The following COG5 variants were observed in gnomAD, a reference collection of about 807,000 sequenced individuals.
COG5 encodes component of oligomeric golgi complex 5.
COG5 carries 86 observed loss-of-function variants against 110.4 expected under a neutral mutation model. The observed-to-expected ratio is 0.78, with a 90% CI of 0.65 to 0.93. COG5 has a LOEUF of 0.93. Ranked by LOEUF, COG5 falls within the 40% of genes least tolerant of loss-of-function variation. COG5 has a pLI of 0.00. For synonymous variants in COG5, 360 were observed against 334.6 expected, an observed-to-expected ratio of 1.08 and a Z score of -0.83; for missense variants, 1,077 against 987.0, an observed-to-expected ratio of 1.09 and a Z score of -1.22.
intron 11 of COG5, among the ~76,000 whole-genome samples, chr7:107,312,874 T>C (rs747900846): frequency 1.4e-5 from 2 of 141,928 alleles, no homozygotes; most frequent in African/African-American, 2.5e-5. Context: ...ACAAAGCTTT[T>C]AGGGGTTCAC....
chr7:107,378,952 C>T (rs567073065), intron 7 of COG5, among the ~76,000 whole-genome samples: 2 of 151,778 alleles, frequency 1.3e-5, no homozygotes, highest in Non-Finnish European at 2.9e-5. Context: ...AAGAGGAGCA[C>T]CCAAGTCACA....
intron 10 of COG5, among the ~76,000 whole-genome samples, chr7:107,325,873 A>T (rs1190039814): frequency 3.3e-5 from 5 of 152,156 alleles, no homozygotes; most frequent in African/African-American, 1.2e-4. Context: ...TTTACTCAAG[A>T]ACTGTTAATC....
intron 10 of COG5, among the ~76,000 whole-genome samples, chr7:107,349,282 A>C (rs1811915024): frequency 6.6e-6 from 1 of 152,178 alleles, no homozygotes; most frequent in Non-Finnish European, 1.5e-5. Flanking sequence ...TCTAAACTGG[A>C]ATCCTTTTAT....
intron 14 of COG5, chr7:107,258,688 C>A (rs1803080597): frequency 2.8e-6 from 1 of 353,436 alleles, no homozygotes; most frequent in Non-Finnish European, 5.2e-6. Context: ...CAGGTGTGAC[C>A]CAAATGCCCC....
At chr7:107,332,904 CA>C (rs895111020) in intron 10 of COG5, among the ~76,000 whole-genome samples, 2 of 152,004 alleles carry the variant, frequency 1.3e-5, no homozygotes, top group African/African-American at 4.8e-5. Flanking sequence ...GATGTGGAAT[CA>C]AAAAACAAAA....
intron 10 of COG5, among the ~76,000 whole-genome samples, chr7:107,353,695 A>C (rs1458340041): frequency 1.3e-5 from 2 of 152,168 alleles, no homozygotes; most frequent in Non-Finnish European, 2.9e-5. Context: ...AAATAATAAT[A>C]AACTAAAATG....
At chr7:107,391,044 C>T (rs1050781810) in intron 7 of COG5, among the ~76,000 whole-genome samples, 8 of 152,058 alleles carry the variant, frequency 5.3e-5, no homozygotes, top group Admixed American at 5.2e-4. Context: ...CTCATGTGGT[C>T]CTAAGACTAA....
chr7:107,340,597 A>T (rs1368547800), intron 10 of COG5, among the ~76,000 whole-genome samples: 1 of 152,182 alleles, frequency 6.6e-6, no homozygotes, highest in Admixed American at 6.5e-5. Flanking sequence ...ACCACCAGAC[A>T]ACATTGCTGA....
chr7:107,440,813 A>G (rs1444804032), intron 6 of COG5, among the ~76,000 whole-genome samples: 1 of 152,146 alleles, frequency 6.6e-6, no homozygotes, highest in Non-Finnish European at 1.5e-5. Flanking sequence ...AGGGAAGTGA[A>G]GTTTTGTGCC....
At chr7:107,242,179 C>T (rs981642876) in intron 17 of COG5, among the ~76,000 whole-genome samples, 1 of 152,186 alleles carries the variant, frequency 6.6e-6, no homozygotes, top group East Asian at 1.9e-4. Context: ...TGGAGAGGAA[C>T]AGACCCCTTC....
chr7:107,527,642 T>C (rs1410920087), intron 5 of COG5, among the ~76,000 whole-genome samples: 1 of 152,168 alleles, frequency 6.6e-6, no homozygotes. Flanking sequence ...ATCGCAAGTC[T>C]TAAAAAGCAT....
intron 11 of COG5, among the ~76,000 whole-genome samples, chr7:107,312,386 T>A (rs1235831618): frequency 6.6e-6 from 1 of 152,184 alleles, no homozygotes; most frequent in Non-Finnish European, 1.5e-5. Flanking sequence ...GAGACTCAGA[T>A]AAGCTAGTAG....
intron 6 of COG5, among the ~76,000 whole-genome samples, chr7:107,521,327 CAA>C (rs1372665820): frequency 1.3e-5 from 2 of 152,086 alleles, no homozygotes; most frequent in African/African-American, 4.8e-5. Flanking sequence ...TTCTGCACAG[CAA>C]AAGAAACTAT....
intron 5 of COG5, among the ~76,000 whole-genome samples, chr7:107,546,855 T>C (rs915574162): frequency 3.9e-5 from 6 of 152,098 alleles, no homozygotes; most frequent in Non-Finnish European, 5.9e-5. Context: ...AACAGATCAA[T>C]AGTGAGTACA....
chr7:107,303,606 T>C lies in COG5; in HGVS notation c.1109-5260A>G, dbSNP rs564175166. On this transcript the variant is annotated intron_variant, in intron 11 of 21. Coordinates refer to ENST00000297135, the MANE Select transcript of COG5 (RefSeq NM_006348.5). ...CACCCAGGTAATTTTATTTACTTTTTAATTTTTGTAGAGATGAGGTCTCCC... is the reference window on the plus strand; with the variant it reads ...CACCCAGGTAATTTTATTTACTTTTCAATTTTTGTAGAGATGAGGTCTCCC... Among the ~76,000 whole-genome samples, 70 of 152,068 alleles carry C rather than the reference T, an allele frequency of 4.6e-4. 1 individual carries two copies. The highest frequency in any genetic ancestry group is 9.1e-4 in the Non-Finnish European group (62 of 67,968).
chr7:107,365,559 T>A (rs1167731208), intron 8 of COG5, among the ~76,000 whole-genome samples: 1 of 123,124 alleles, frequency 8.1e-6, no homozygotes, highest in Non-Finnish European at 1.6e-5. Context: ...ATCTACAGAT[T>A]AGGACAGGCC....
At chr7:107,435,508 C>T (rs1009092878) in intron 6 of COG5, among the ~76,000 whole-genome samples, 9 of 152,000 alleles carry the variant, frequency 5.9e-5, no homozygotes, top group African/African-American at 2.2e-4. Context: ...CAAAAATTAG[C>T]TGGGTGTGGT....
At chr7:107,374,774 T>C (rs1814485804) in intron 7 of COG5, among the ~76,000 whole-genome samples, 1 of 152,054 alleles carries the variant, frequency 6.6e-6, no homozygotes, top group Non-Finnish European at 1.5e-5. Context: ...TAGAAGTAAT[T>C]TTAAACTTGT....
At chr7:107,524,738 A>C (rs1800602377) in intron 6 of COG5, among the ~76,000 whole-genome samples, 1 of 152,206 alleles carries the variant, frequency 6.6e-6, no homozygotes, top group Non-Finnish European at 1.5e-5. Context: ...CAAGGCTTTT[A>C]AAAATTAGAT....
Sources: gnomAD v4.1 joint callset for allele counts (sites outside exome capture counted in the v4.1 genomes callset) on GRCh38, gnomAD v4.1.1 for gene constraint, MANE v1.5 for transcripts, NCBI Gene and HGNC (gene_info 2026-07-23, HGNC 2026-07-21) for gene names.